The following TUSC3 variants were observed in gnomAD, a reference collection of about 807,000 sequenced individuals.
TUSC3 encodes tumor suppressor candidate 3.
Under a neutral mutation model 44.8 loss-of-function variants are expected in TUSC3, and 45 were observed. The observed-to-expected ratio is 1.00, with a 90% CI of 0.79 to 1.29. The LOEUF is 1.29. Among genes scored for constraint, TUSC3 ranks in the 50% most tolerant of loss-of-function variants. TUSC3 has a pLI of 0.00. For missense variants in TUSC3, 519 were observed against 437.9 expected, an observed-to-expected ratio of 1.19 and a Z score of -1.65; for synonymous variants, 212 against 152.9, an observed-to-expected ratio of 1.39 and a Z score of -2.85.
chr8:15,473,780 G>C (rs1325737808), intron 1 of TUSC3, among the ~76,000 whole-genome samples: 1 of 152,178 alleles, frequency 6.6e-6, no homozygotes, highest in Non-Finnish European at 1.5e-5. Flanking sequence ...ACATGCTTCT[G>C]AGGAAACAGG....
At chr8:15,511,079 T>C (rs1323403927) in intron 2 of TUSC3, among the ~76,000 whole-genome samples, 1 of 152,056 alleles carries the variant, frequency 6.6e-6, no homozygotes, top group East Asian at 1.9e-4. Flanking sequence ...CTCTACCCGA[T>C]AAAGGACACC....
chr8:15,748,582 G>T (rs1423407917), intron 9 of TUSC3, 117 bp downstream of exon 9: 5 of 987,904 alleles, frequency 5.1e-6, no homozygotes, highest in Non-Finnish European at 8.0e-6. Flanking sequence ...TTTAAATTCA[G>T]TTAAGCAAGT....
intron 1 of TUSC3, among the ~76,000 whole-genome samples, chr8:15,418,365 C>G (rs1159327738): frequency 1.3e-5 from 2 of 151,926 alleles, no homozygotes; most frequent in African/African-American, 2.4e-5. Context: ...TTTTTTCAAA[C>G]AAAATCATTT....
intron 1 of TUSC3, among the ~76,000 whole-genome samples, chr8:15,588,705 A>G (rs781424831): frequency 1.1e-4 from 16 of 152,078 alleles, no homozygotes; most frequent in Non-Finnish European, 2.4e-4. Context: ...CACTTAAGTC[A>G]TTATATTTTG....
In TUSC3 at chr8:15,461,657, G is replaced by A. The variant is rs1049753379; in HGVS notation, n.92-21729G>A. ...TCTACTTTTCCCCATTCAGTATTAC[G>A]TTAGCTGTGAGTTTGTCATAGATGG... On this transcript the variant is annotated intron_variant and non_coding_transcript_variant, in intron 1 of 5. Coordinates refer to the TUSC3 transcript ENST00000503191. 2.0e-5 allele frequency among the ~76,000 whole-genome samples: 3 copies of A among 151,398 alleles called. No individual in the cohort carries two copies. The East Asian group carries it at 5.8e-4, about 29-fold the overall frequency.
intron 1 of TUSC3, among the ~76,000 whole-genome samples, chr8:15,550,927 C>G (rs892612252): frequency 3.3e-5 from 5 of 151,702 alleles, no homozygotes; most frequent in African/African-American, 1.2e-4. Flanking sequence ...CCGCCTCGGC[C>G]TCCCAAGTGC....
At chr8:15,554,743 C>G (rs1039133541) in intron 1 of TUSC3, among the ~76,000 whole-genome samples, 1 of 150,504 alleles carries the variant, frequency 6.6e-6, no homozygotes, top group Non-Finnish European at 1.5e-5. Flanking sequence ...GCTGGGACCA[C>G]AGGCGCCCTC....
At chr8:15,610,839 G>C (rs1209699250) in intron 1 of TUSC3, among the ~76,000 whole-genome samples, 1 of 152,030 alleles carries the variant, frequency 6.6e-6, no homozygotes, top group African/African-American at 2.4e-5. Flanking sequence ...TGCTCTCCGG[G>C]GTACAAAGAT....
rs117953664 is a variant in TUSC3 at position 15,546,528 on chromosome 8, A to G, written c.138+5960A>G. 7.1e-4 allele frequency among the ~76,000 whole-genome samples: 107 copies of G among 151,734 alleles called. 5 individuals carry two copies. The East Asian group carries it at 0.017, about 24-fold the overall frequency. On this transcript the variant is annotated intron_variant, in intron 1 of 10. Coordinates refer to ENST00000503731, the MANE Select transcript of TUSC3 (RefSeq NM_006765.4). ...AGGCTTCAAAGATGTTATTCAGAAG[A>G]ATAATTTTTTCTTTTTTCTTTTGGG...
intron 2 of TUSC3, among the ~76,000 whole-genome samples, chr8:15,530,577 C>G (rs867857818): frequency 6.6e-6 from 1 of 152,248 alleles, no homozygotes; most frequent in Middle Eastern, 3.4e-3. Flanking sequence ...AGGAATGCAG[C>G]TCCAGGGCTC....
At chr8:15,481,854 C>T (rs1479075036) in intron 1 of TUSC3, among the ~76,000 whole-genome samples, 1 of 152,098 alleles carries the variant, frequency 6.6e-6, no homozygotes, top group South Asian at 2.1e-4. Context: ...GTTGCTAAAA[C>T]TTGGGGTGGC....
chr8:15,527,740 C>T lies in TUSC3; in HGVS notation n.189+44257C>T, dbSNP rs115759171. On this transcript the variant is annotated intron_variant and non_coding_transcript_variant, in intron 2 of 5. Coordinates refer to the TUSC3 transcript ENST00000503191. ...ATACTTCTGAAGCTCACTTTATTTT[C>T]AGTGGGAAAGGCACTGTATACAGTA... 2.1e-3 allele frequency among the ~76,000 whole-genome samples: 317 copies of T among 152,236 alleles called. 2 individuals are homozygous for T. The highest frequency in any genetic ancestry group is 7.1e-3 in the African/African-American group (297 of 41,564).
chr8:15,689,731 T>G (rs2129189211), intron 6 of TUSC3, among the ~76,000 whole-genome samples: 1 of 152,144 alleles, frequency 6.6e-6, no homozygotes, highest in South Asian at 2.1e-4. Context: ...CTTCCTGTGT[T>G]AGTTTGCTTA....
At chr8:15,733,385 G>C in intron 7 of TUSC3, 2 of 396,530 alleles carry the variant, frequency 5.0e-6, no homozygotes, top group Non-Finnish European at 9.8e-6. Context: ...TTCAATCCAT[G>C]ATGTAGCATC....
intron 6 of TUSC3, among the ~76,000 whole-genome samples, chr8:15,684,172 A>G (rs1045267988): frequency 1.3e-5 from 2 of 151,600 alleles, no homozygotes; most frequent in African/African-American, 4.9e-5. Flanking sequence ...CCATTCAACT[A>G]CTGGTGCCTT....
upstream of TUSC3, among the ~76,000 whole-genome samples, chr8:15,537,056 T>A (rs764463363): frequency 6.6e-6 from 1 of 152,182 alleles, no homozygotes; most frequent in Non-Finnish European, 1.5e-5. Flanking sequence ...TTGTTTTTCT[T>A]CCTTTCTTTG....
chr8:15,753,186 T>C (rs1365582536), intron 9 of TUSC3, among the ~76,000 whole-genome samples: 2 of 152,062 alleles, frequency 1.3e-5, no homozygotes, highest in African/African-American at 4.8e-5. Context: ...CTTATCTGAA[T>C]TTCATGACTT....
chr8:15,837,770 G>C, the TUSC3 span, among the ~76,000 whole-genome samples: 1 of 152,088 alleles, frequency 6.6e-6, no homozygotes, highest in Admixed American at 6.6e-5. Flanking sequence ...TGTCTGGCCT[G>C]TAACAACCAT....
chr8:15,536,953 G>GA (rs199877201), upstream of TUSC3, among the ~76,000 whole-genome samples: 14 of 150,572 alleles, frequency 9.3e-5, no homozygotes, highest in East Asian at 3.9e-4. Context: ...ATGAGACAAG[G>GA]AAAAAAAAAT....
Sources: allele counts gnomAD v4.1 joint callset (sites outside exome capture counted in the v4.1 genomes callset), GRCh38; gene constraint gnomAD v4.1.1; transcripts MANE v1.5; gene names NCBI Gene and HGNC (gene_info 2026-07-23, HGNC 2026-07-21).